The following HJURP variants were observed in gnomAD, a reference collection of about 807,000 sequenced individuals.
The protein encoded by HJURP is Holliday junction recognition protein.
In HJURP, 49 loss-of-function variants were observed where a neutral mutation model predicts 72.0. That is an observed-to-expected ratio of 0.68 (90% CI 0.54 to 0.86). HJURP has a LOEUF of 0.86. Among genes scored for constraint, HJURP ranks in the 40% least tolerant of loss-of-function variants. The pLI, the probability that HJURP is intolerant of heterozygous loss-of-function variation, is 0.00. For synonymous variants in HJURP, 357 were observed against 347.1 expected (o/e 1.03, Z -0.32); for missense variants, 908 against 936.3 (o/e 0.97, Z 0.39).
Position 233,840,663 on chromosome 2 carries a change from T to G in HJURP, c.2117A>C (p.Asn706Thr). ...GCCCTGGTCTCCCGGTCTGACGGTG[T>G]TGTCCACCCCATCTGAGGCACCCAG... The part of the protein sequence containing the change: ...NSLGASDGVD[N>T]TVRPGDQGSS... The change falls in exon 8 of 9, where the codon AAC (asparagine) becomes ACC (threonine). Residue 706 changes from asparagine (N) to threonine (T), a missense_variant. Physicochemically the swap from Asn to Thr is moderately conservative, Grantham distance 65. Coordinates refer to ENST00000411486, the MANE Select transcript of HJURP (RefSeq NM_018410.5). 1 of 1,612,824 alleles carries G rather than the reference T, an allele frequency of 6.2e-7. No homozygotes were observed. Among genetic ancestry groups the G allele is most frequent in the East Asian group, 2.2e-5 (1 of 44,882 alleles).
Position 233,840,743 on chromosome 2 carries a change from A to G in HJURP, c.2037T>C (p.Pro679=), listed in dbSNP as rs1705202138. 4 of 1,614,070 alleles carry G rather than the reference A, an allele frequency of 2.5e-6. No individual in the cohort carries two copies. In the East Asian group the frequency reaches 8.9e-5, roughly 36 times the overall value. ...GTTCTGATAGCCTGGGTCTTTTTGC[A>G]GGGAACTGATGGTCCCTCGTGCCAT... is the stretch of plus-strand genomic sequence containing the variant. The part of the protein sequence containing the change: ...TRDGTRDHQF[P]AKRPRLSEPQ... The change falls in exon 8 of 9, where the codon CCT becomes CCC. Residue 679 remains proline (P), a synonymous_variant. Coordinates refer to ENST00000411486, the MANE Select transcript of HJURP (RefSeq NM_018410.5).
At chr2:233,853,295 C>G (rs1010867951) in intron 2 of HJURP, among the ~76,000 whole-genome samples, 1 of 152,148 alleles carries the variant, frequency 6.6e-6, no homozygotes, top group African/African-American at 2.4e-5. Context: ...CAGCTATTTA[C>G]CAAAAAGAAT....
Position 233,851,171 on chromosome 2 carries a change from G to A in HJURP, c.241-1312C>T, listed in dbSNP as rs28900716. ...CTTTTTGCTACCAGGACCATATTAA[G>A]CACTGGTCTAATGAGTGGACATCTG... is the stretch of plus-strand genomic sequence containing the variant. On this transcript the variant is annotated intron_variant, in intron 3 of 8. Coordinates refer to ENST00000411486, the MANE Select transcript of HJURP (RefSeq NM_018410.5). Among the ~76,000 whole-genome samples the A allele has an allele frequency of 2.6e-5, 4 of 152,310 alleles. No homozygotes were observed. The South Asian group carries it at 8.3e-4, about 32-fold the overall frequency.
In HJURP at chr2:233,847,448, A is replaced by G. The variant is rs1372158992; in HGVS notation, c.351T>C (p.Gly117=). ...CCTGGTCTGACGTGGCATCGACCTC[A>G]CCGCTTTTTGAATCTAAAAGTCAAA... ...RTVLGADSKS[G]EVDATSDQEE... Residue 117 remains glycine, a synonymous_variant, in exon 5 of 9, where the codon GGT becomes GGC. Coordinates refer to ENST00000411486, the MANE Select transcript of HJURP (RefSeq NM_018410.5). 2 of 1,613,944 alleles carry G rather than the reference A, an allele frequency of 1.2e-6. No individual in the cohort carries two copies. The highest frequency in any genetic ancestry group is 1.7e-6 in the Non-Finnish European group (2 of 1,179,846).
Position 233,841,091 on chromosome 2 carries a change from T to C in HJURP, c.1689A>G (p.Ser563=), listed in dbSNP as rs778428692. The C allele has an allele frequency of 2.5e-6, 4 of 1,614,226 alleles. No homozygotes were observed. The highest frequency in any genetic ancestry group is 2.5e-6 in the Non-Finnish European group (3 of 1,180,036). ...RKSVSPSKTL[S]VPDKEVPGHG... is the part of the protein sequence containing the mutation. ...GGCCTGGCACTTCTTTATCTGGGAC[T>C]GAAAGAGTTTTGCTGGGTGACACTG... Residue 563 remains serine (S), a synonymous_variant, in exon 8 of 9, where the codon TCA becomes TCG. Transcript: ENST00000411486.
rs773457644 is a variant in HJURP at position 233,841,763 on chromosome 2, A to G, written c.1017T>C (p.Asp339=). The change falls in exon 8 of 9, where the codon GAT becomes GAC. Residue 339 remains aspartate, a synonymous_variant. Coordinates refer to ENST00000411486, the MANE Select transcript of HJURP (RefSeq NM_018410.5). ...AAGAAACATCTAATACGTTCTTGCA[A>G]TCTCTTAATGCCCCTGTCCCTTTCA... ...EPVKGTGALR[D]CKNVLDVSCR... 5.6e-6 allele frequency: 9 copies of G among 1,614,182 alleles called. No individual in the cohort carries two copies. The highest frequency in any genetic ancestry group is 6.8e-6 in the Non-Finnish European group (8 of 1,180,032).
chr2:233,840,853 GTGA>G lies in HJURP; in HGVS notation c.1924_1926del (p.Ser642del), dbSNP rs1215570893. The G allele has an allele frequency of 4.3e-6, 7 of 1,614,166 alleles. 1 individual carries two copies. The highest frequency in any genetic ancestry group is 1.6e-4 in the Middle Eastern group (1 of 6,062). On this transcript the variant is annotated inframe_deletion, in exon 8 of 9. Transcript: ENST00000411486. ...AGTAGACTTTTTCTGCACCCCAGGG[GTGA>G]TGATGGCAACTTCTGGAAACCCTGG... is the stretch of plus-strand genomic sequence containing the variant.
At chr2:233,847,278 G>A (rs915728245) in intron 5 of HJURP, 119 bp downstream of exon 5, 6 of 757,032 alleles carry the variant, frequency 7.9e-6, no homozygotes, top group Admixed American at 2.1e-5. Flanking sequence ...GCCAGCCTCA[G>A]GAGAGGACTT....
At chr2:233,839,006 CT>C (rs1705151989) in intron 8 of HJURP, among the ~76,000 whole-genome samples, 2 of 152,320 alleles carry the variant, frequency 1.3e-5, no homozygotes, top group Admixed American at 6.5e-5. Context: ...CACAGTGCCC[CT>C]GACCCTAGCT....
intron 4 of HJURP, among the ~76,000 whole-genome samples, chr2:233,849,052 G>A (rs922986650): frequency 6.6e-6 from 1 of 152,232 alleles, no homozygotes; most frequent in African/African-American, 2.4e-5. Flanking sequence ...ATGGGGTTGT[G>A]AGAAACCTCA....
Position 233,854,483 on chromosome 2 carries a change from G to C in HJURP, c.18C>G (p.Arg6=). The change falls in exon 1 of 9, where the codon CGC becomes CGG. Residue 6 remains arginine (R), a synonymous_variant. Transcript: ENST00000411486. The part of the protein sequence containing the change: MLGTL[R]AMEGEDVEDD... ...CTTCCACGTCCTCGCCCTCCATGGCGCGCAGCGTACCCAGCATCGGACCCA... is the reference window on the plus strand; with the variant it reads ...CTTCCACGTCCTCGCCCTCCATGGCCCGCAGCGTACCCAGCATCGGACCCA... 7.4e-6 allele frequency: 12 copies of C among 1,611,786 alleles called. No individual in the cohort carries two copies. The highest frequency in any genetic ancestry group is 1.0e-5 in the Non-Finnish European group (12 of 1,178,972).
rs1055747303 is a variant in HJURP, at chr2:233,849,850, T to G, written c.250A>C (p.Met84Leu). Reference protein sequence around the residue: ...RNEGEIQDSSMKPADRTDGSV... With the variant: ...RNEGEIQDSSLKPADRTDGSV... The stretch of plus-strand genomic sequence containing the variant: ...CCATCTGTCCTGTCCGCGGGCTTCA[T>G]GGAGGAGTCCTCCAAGTGCAGAAGC... The change falls in exon 4 of 9, where the codon ATG (methionine) becomes CTG (leucine). Residue 84 changes from methionine to leucine, a missense_variant. By Grantham distance (15) the Met-to-Leu change is conservative. Coordinates refer to ENST00000411486, the MANE Select transcript of HJURP (RefSeq NM_018410.5). 29 of 1,550,450 alleles carry G rather than the reference T, an allele frequency of 1.9e-5. No individual in the cohort carries two copies. Among genetic ancestry groups the G allele is most frequent in the Non-Finnish European group, 2.4e-5 (28 of 1,145,834 alleles).
rs1255891515 is a variant in HJURP at position 233,840,600 on chromosome 2, C to G, written c.2171+9G>C. ...ATAAACCACATTCAACCAACAGAAACACACCTACCTCTCTTCTGAGTTGGG... is the reference window on the plus strand; with the variant it reads ...ATAAACCACATTCAACCAACAGAAAGACACCTACCTCTCTTCTGAGTTGGG... On this transcript the variant is annotated intron_variant, in intron 8 of 8. Coordinates refer to ENST00000411486, the MANE Select transcript of HJURP (RefSeq NM_018410.5). The G allele has an allele frequency of 2.6e-6, 4 of 1,563,584 alleles. No individual in the cohort carries two copies. The South Asian group carries it at 4.8e-5, about 19-fold the overall frequency.
At position 233,841,836 on chromosome 2, in the gene HJURP, C is replaced by T. The variant is rs374823793; in HGVS notation, c.944G>A (p.Arg315His). Residue 315 changes from arginine (R) to histidine (H), a missense_variant, in exon 8 of 9, where the codon CGT becomes CAT. Coordinates refer to ENST00000411486, the MANE Select transcript of HJURP (RefSeq NM_018410.5). ...MNKTYCKGAR[R>H]SQRSSKENFI... ...GTTCTCCTTGGAGCTCCTCTGAGAA[C>T]GTCTGGCTCCTTTGCAATATGTTTT... is the stretch of plus-strand genomic sequence containing the variant. The T allele has an allele frequency of 8.0e-5, 129 of 1,614,046 alleles. 1 individual carries two copies. Among genetic ancestry groups the T allele is most frequent in the Admixed American group, 2.5e-4 (15 of 60,006 alleles).
intron 3 of HJURP, among the ~76,000 whole-genome samples, 170 bp from the exon 4 acceptor site, chr2:233,850,029 G>A (rs181651824): frequency 3.2e-4 from 48 of 152,332 alleles, no homozygotes; most frequent in South Asian, 2.1e-4. Context: ...CCTCAAGAGC[G>A]TAGGAAGGAG....
In HJURP at chr2:233,840,753, T is replaced by C. The variant is rs750824728; in HGVS notation, c.2027A>G (p.His676Arg). 6.2e-7 allele frequency: 1 copy of C among 1,614,072 alleles called. No homozygotes were observed. Among genetic ancestry groups the C allele is most frequent in the Non-Finnish European group, 8.5e-7 (1 of 1,179,986 alleles). ...RAITRDGTRD[H>R]QFPAKRPRLS... ...CCTGGGTCTTTTTGCAGGGAACTGA[T>C]GGTCCCTCGTGCCATCCCTCGTGAT... The change falls in exon 8 of 9, where the codon CAT becomes CGT. Residue 676 changes from histidine to arginine, a missense_variant. Around this residue, in one of 3 missense-constraint regions of HJURP, gnomAD observed 598 missense variants for 619.5 expected, o/e 0.97. Transcript: ENST00000411486.
In HJURP at chr2:233,846,366, C is replaced by T. The variant is rs1035113380; in HGVS notation, c.403-546G>A. ...ACTTGGGAGGCTGAGGCAGGAGAAT[C>T]GCTTGAACCCAGGAAGTAGAGGTTG... On this transcript the variant is annotated intron_variant, in intron 5 of 8. Coordinates refer to ENST00000411486, the MANE Select transcript of HJURP (RefSeq NM_018410.5). This position sits in a 1 kb window ranked among gnomAD's most constrained non-coding sequence, Gnocchi z 4.3. 6.6e-6 allele frequency among the ~76,000 whole-genome samples: 1 copy of T among 152,138 alleles called. No homozygotes were observed. The highest frequency in any genetic ancestry group is 1.9e-4 in the East Asian group (1 of 5,190).
At position 233,841,526 on chromosome 2, in the gene HJURP, G is replaced by T. The variant is rs1705229875; in HGVS notation, c.1254C>A (p.Ser418=). ...KWLISPVKIV[S]RPTIRQGHGE... is the part of the protein sequence containing the mutation. ...CATGGCCCTGTCGTATTGTTGGTCT[G>T]GAAACTATTTTTACAGGAGAAATTA... Residue 418 remains serine, a synonymous_variant, in exon 8 of 9, where the codon TCC becomes TCA. Coordinates refer to ENST00000411486, the MANE Select transcript of HJURP (RefSeq NM_018410.5). The T allele has an allele frequency of 6.2e-7, 1 of 1,613,904 alleles. No individual in the cohort carries two copies. Among genetic ancestry groups the T allele is most frequent in the South Asian group, 1.1e-5 (1 of 91,082 alleles).
At chr2:233,840,393 T>C (rs1304122743) in intron 8 of HJURP, among the ~76,000 whole-genome samples, 1 of 152,216 alleles carries the variant, frequency 6.6e-6, no homozygotes, top group African/African-American at 2.4e-5. Flanking sequence ...CTTTCTGCTT[T>C]ACCTCGATGC....
Sources: gnomAD v4.1 joint callset for allele counts (sites outside exome capture counted in the v4.1 genomes callset) on GRCh38, gnomAD v4.1.1 for gene constraint, gnomAD v4.1.1 regional missense constraint, Gnocchi (gnomAD v3.1) non-coding constraint, MANE v1.5 for transcripts, NCBI Gene and HGNC (gene_info 2026-07-23, HGNC 2026-07-21) for gene names.